Variants in ST3GAL5 observed in about 807,000 individuals in gnomAD.
The protein encoded by ST3GAL5 is ST3 beta-galactoside alpha-2,3-sialyltransferase 5, also known as lactosylceramide alpha-2,3-sialyltransferase.
In ST3GAL5, 25 loss-of-function variants were observed where a neutral mutation model predicts 46.1. The observed-to-expected ratio is 0.54, with a 90% CI of 0.40 to 0.76. The LOEUF (loss-of-function observed/expected upper bound fraction) is 0.76. ST3GAL5 is among the 30% of genes least tolerant of loss of function. The pLI, the probability that ST3GAL5 is intolerant of heterozygous loss-of-function variation, is 0.00. For missense variants in ST3GAL5, 431 were observed against 521.2 expected (o/e 0.83, Z 1.69); for synonymous variants, 182 against 192.7 (o/e 0.94, Z 0.46).
At chr2:85,882,833 T>TAAAAAA (rs1573725499) in intron 1 of ST3GAL5, among the ~76,000 whole-genome samples, 2 of 28,338 alleles carry the variant, frequency 7.1e-5, no homozygotes, top group Non-Finnish European at 7.5e-5. Flanking sequence ...AGACTCTGTC[T>TAAAAAA]CAAAAAAAAA....
At chr2:85,842,402 A>G (rs1278854158) in intron 6 of ST3GAL5, among the ~76,000 whole-genome samples, 5 of 152,102 alleles carry the variant, frequency 3.3e-5, no homozygotes, top group African/African-American at 1.2e-4. Context: ...GAACTAAAAA[A>G]CCGATGAAAA....
chr2:85,852,543 C>T (rs1683630775), intron 3 of ST3GAL5, among the ~76,000 whole-genome samples: 1 of 152,058 alleles, frequency 6.6e-6, no homozygotes, highest in Non-Finnish European at 1.5e-5. Context: ...ACACTATAAA[C>T]TCAACCAGTT....
intron 1 of ST3GAL5, among the ~76,000 whole-genome samples, chr2:85,873,467 G>A (rs1573693230): frequency 6.6e-6 from 1 of 152,118 alleles, no homozygotes; most frequent in East Asian, 1.9e-4. Context: ...GCAGCAGTGG[G>A]GACAAGGGAG....
Position 85,886,510 on chromosome 2 carries a change from T to C in ST3GAL5, c.82+2314A>G, listed in dbSNP as rs561109733. ...AATTCATTGAGCAGGACACTTATGG[T>C]ATGTCTACTTTCCTAGTATCTATGC... is the stretch of plus-strand genomic sequence containing the variant. On this transcript the variant is annotated intron_variant, in intron 1 of 6. Coordinates refer to ENST00000638572, the MANE Select transcript of ST3GAL5 (RefSeq NM_003896.4). Among the ~76,000 whole-genome samples, 9 of 152,076 alleles carry C rather than the reference T, an allele frequency of 5.9e-5. No individual in the cohort carries two copies. In the South Asian group the frequency reaches 1.9e-3, roughly 32 times the overall value.
chr2:85,868,422 C>T (rs1440131549), intron 1 of ST3GAL5, among the ~76,000 whole-genome samples: 1 of 152,120 alleles, frequency 6.6e-6, no homozygotes, highest in Non-Finnish European at 1.5e-5. Context: ...CCACCTCAGC[C>T]TCCTGAGTAG....
Position 85,846,575 on chromosome 2 carries a change from A to G in ST3GAL5, c.663-12T>C. 1 of 1,613,818 alleles carries G rather than the reference A, an allele frequency of 6.2e-7. No individual in the cohort carries two copies. The highest frequency in any genetic ancestry group is 8.5e-7 in the Non-Finnish European group (1 of 1,179,894). On this transcript the variant is annotated splice_polypyrimidine_tract_variant and intron_variant, in intron 4 of 6. Transcript: ENST00000638572. ...GTGCACTGTTTAACCTATTTAAATA[A>G]AAAGGACAAAGACACACTGACAAAG...
intron 1 of ST3GAL5, among the ~76,000 whole-genome samples, chr2:85,872,245 G>A (rs73945530): frequency 0.058 from 8,881 of 152,180 alleles, 285 homozygotes; most frequent in East Asian, 0.12. Flanking sequence ...GACAAACCTC[G>A]GTCCCAATCA....
At chr2:85,844,705 C>T (rs1442288138) in intron 5 of ST3GAL5, 151 bp from the exon 6 acceptor site, 17 of 1,049,052 alleles carry the variant, frequency 1.6e-5, no homozygotes, top group South Asian at 4.1e-5. Context: ...GCAAAAGCTA[C>T]GCAAATCCGG....
intron 1 of ST3GAL5, among the ~76,000 whole-genome samples, chr2:85,878,154 C>T (rs1686778335): frequency 1.3e-5 from 2 of 152,208 alleles, no homozygotes; most frequent in Non-Finnish European, 2.9e-5. Flanking sequence ...CATTTAAAAA[C>T]AAGAACTCTA....
At chr2:85,840,898 C>T (rs191795998) in intron 6 of ST3GAL5, among the ~76,000 whole-genome samples, 3 of 129,392 alleles carry the variant, frequency 2.3e-5, no homozygotes, top group Admixed American at 9.0e-5. Flanking sequence ...GAGCCGAGAT[C>T]GAGCCACTGC....
intron 1 of ST3GAL5, among the ~76,000 whole-genome samples, chr2:85,874,867 G>C (rs1686348316): frequency 6.6e-6 from 1 of 151,574 alleles, no homozygotes; most frequent in South Asian, 2.1e-4. Context: ...GTGAAGACCA[G>C]ACCTTCCAGG....
intron 4 of ST3GAL5, chr2:85,847,554 C>T (rs537861527): frequency 6.1e-6 from 7 of 1,151,192 alleles, no homozygotes; most frequent in Non-Finnish European, 7.5e-6. Flanking sequence ...AAGAGCAGTG[C>T]ACTGAGTTCT....
chr2:85,847,848 A>T lies in ST3GAL5; in HGVS notation c.662+13T>A. On this transcript the variant is annotated intron_variant, in intron 4 of 6. Transcript: ENST00000638572. ...AAAATAAGTAAACAAACAAACAAAA[A>T]AAACCAATGTACCTTATCACAACAT... 6.2e-7 allele frequency: 1 copy of T among 1,613,116 alleles called. No homozygotes were observed. The highest frequency in any genetic ancestry group is 8.5e-7 in the Non-Finnish European group (1 of 1,179,842).
chr2:85,884,520 G>A (rs141369215), intron 1 of ST3GAL5, among the ~76,000 whole-genome samples: 73 of 152,328 alleles, frequency 4.8e-4, no homozygotes, highest in African/African-American at 1.6e-3. Flanking sequence ...CCACTGGACA[G>A]TGGTGATCTA....
At chr2:85,856,785 G>A (rs888340988) in intron 3 of ST3GAL5, among the ~76,000 whole-genome samples, 1 of 151,450 alleles carries the variant, frequency 6.6e-6, no homozygotes, top group African/African-American at 2.4e-5. Context: ...GCCCAGGCTG[G>A]TCTCAAACTC....
chr2:85,888,959 G>C lies in ST3GAL5; in HGVS notation c.-54C>G. ...AGCCCGGTACCCCGCGCCCCCACCC[G>C]CCCCCAGCGCCGCTCTCGCGCCCAT... On this transcript the variant is annotated 5_prime_UTR_variant, in exon 1 of 7. Transcript: ENST00000638572. 8.2e-7 allele frequency: 1 copy of C among 1,223,958 alleles called. No homozygotes were observed. The highest frequency in any genetic ancestry group is 3.5e-5 in the East Asian group (1 of 28,224). 75.8% of individuals were successfully genotyped at this position (1,223,958 alleles called of 1,614,324 possible). A position where few individuals can be genotyped will look rare whatever the true frequency, so the allele number is the denominator to read the frequency against.
chr2:85,869,669 A>G (rs1685694999), intron 1 of ST3GAL5, among the ~76,000 whole-genome samples: 1 of 152,202 alleles, frequency 6.6e-6, no homozygotes, highest in African/African-American at 2.4e-5. Context: ...ACTGGAAAAA[A>G]ACAGATTTAT....
chr2:85,879,068 C>T (rs1402216755), intron 1 of ST3GAL5, among the ~76,000 whole-genome samples: 1 of 152,120 alleles, frequency 6.6e-6, no homozygotes, highest in East Asian at 1.9e-4. Context: ...TTATGTTACA[C>T]AAAGGAGGAT....
intron 3 of ST3GAL5, among the ~76,000 whole-genome samples, chr2:85,852,471 A>ATGTGCTTC (rs1216526606): frequency 1.3e-5 from 2 of 152,178 alleles, no homozygotes; most frequent in African/African-American, 4.8e-5. Flanking sequence ...CATTTAAGTT[A>ATGTGCTTC]TAACTCTTAC....
Sources: allele counts gnomAD v4.1 joint callset (sites outside exome capture counted in the v4.1 genomes callset), GRCh38; gene constraint gnomAD v4.1.1; transcripts MANE v1.5; gene names NCBI Gene and HGNC (gene_info 2026-07-23, HGNC 2026-07-21).